The following SYNDIG1 variants were observed in gnomAD, a reference collection of about 807,000 sequenced individuals.
The protein encoded by SYNDIG1 is synapse differentiation inducing 1, also known as synapse differentiation-inducing gene protein 1.
A neutral mutation model predicts 19.4 loss-of-function variants in SYNDIG1; 9 were observed. That is an observed-to-expected ratio of 0.46 (90% CI 0.28 to 0.81). The LOEUF is 0.81. Among genes scored for constraint, SYNDIG1 ranks in the 30% least tolerant of loss-of-function variants. The pLI is 0.12. For missense variants in SYNDIG1, 311 were observed against 343.3 expected (o/e 0.91, Z 0.74); for synonymous variants, 141 against 145.9 (o/e 0.97, Z 0.24).
At chr20:24,643,160 A>G (rs1182594563) in intron 3 of SYNDIG1, among the ~76,000 whole-genome samples, 1 of 152,208 alleles carries the variant, frequency 6.6e-6, no homozygotes, top group African/African-American at 2.4e-5. Flanking sequence ...TCATTGTCAC[A>G]CATCACTGCA....
chr20:24,642,220 C>G (rs550985249), intron 3 of SYNDIG1, among the ~76,000 whole-genome samples: 3 of 152,152 alleles, frequency 2.0e-5, no homozygotes, highest in Non-Finnish European at 4.4e-5. Flanking sequence ...GAGCACTGAT[C>G]GGGTACATCG....
chr20:24,658,035 T>C lies in SYNDIG1; in HGVS notation c.619-7311T>C, dbSNP rs1230741717. On this transcript the variant is annotated intron_variant, in intron 3 of 3. Transcript: ENST00000376862. This position sits in a 1 kb window ranked among gnomAD's most constrained non-coding sequence, Gnocchi z 4.4. ...AACTGCTGAGGACCCCCAGCTGTGCTGGCCCCGGTCCATGGATGACGGGGA... is the reference window on the plus strand; with the variant it reads ...AACTGCTGAGGACCCCCAGCTGTGCCGGCCCCGGTCCATGGATGACGGGGA... 1.3e-5 allele frequency among the ~76,000 whole-genome samples: 2 copies of C among 152,074 alleles called. No homozygotes were observed. Among genetic ancestry groups the C allele is most frequent in the Admixed American group, 1.3e-4 (2 of 15,278 alleles).
intron 3 of SYNDIG1, 140 bp from the exon 4 acceptor site, chr20:24,665,206 G>C: frequency 1.9e-6 from 2 of 1,035,650 alleles, no homozygotes; most frequent in South Asian, 1.6e-5. Flanking sequence ...GGTCATAGCA[G>C]GGGTGAGCAC....
At position 24,647,709 on chromosome 20, in the gene SYNDIG1, T is replaced by C. The variant is rs373222679; in HGVS notation, c.619-17637T>C. On this transcript the variant is annotated intron_variant, in intron 3 of 3. Coordinates refer to ENST00000376862, the MANE Select transcript of SYNDIG1 (RefSeq NM_024893.3). The stretch of plus-strand genomic sequence containing the variant: ...CTGGAACCTGTTTTCCAAAGGAAAG[T>C]GCCCTTTTTCATTTGAGATAAAAAG... Among the ~76,000 whole-genome samples, 25 of 151,646 alleles carry C rather than the reference T, an allele frequency of 1.6e-4. No homozygotes were observed. The South Asian group carries it at 4.0e-3, about 24-fold the overall frequency.
intron 3 of SYNDIG1, among the ~76,000 whole-genome samples, chr20:24,633,959 T>C (rs1942835742): frequency 6.6e-6 from 1 of 152,222 alleles, no homozygotes; most frequent in African/African-American, 2.4e-5. Context: ...TGCCTGGGGT[T>C]CCCTTCGTTA....
intron 1 of SYNDIG1, among the ~76,000 whole-genome samples, chr20:24,523,271 T>C (rs2057045737): frequency 6.6e-6 from 1 of 152,168 alleles, no homozygotes; most frequent in South Asian, 2.1e-4. Flanking sequence ...TATACCTACT[T>C]AATGGGGTTG....
Position 24,586,044 on chromosome 20 carries a change from G to A in SYNDIG1, c.618+1051G>A, listed in dbSNP as rs113013738. Among the ~76,000 whole-genome samples the A allele has an allele frequency of 7.4e-3, 1,126 of 152,302 alleles. 7 individuals are homozygous for A. The highest frequency in any genetic ancestry group is 9.6e-3 in the Non-Finnish European group (650 of 68,024). On this transcript the variant is annotated intron_variant, in intron 3 of 3. Transcript: ENST00000376862. The stretch of plus-strand genomic sequence containing the variant: ...TGTTGGACGAGTGAGAGGAGAATCC[G>A]CCCTGCCTTTATGGGATTTCTGTTT...
At chr20:24,569,064 C>T (rs73905112) in intron 2 of SYNDIG1, among the ~76,000 whole-genome samples, 4,762 of 152,274 alleles carry the variant, frequency 0.031, 170 homozygotes, top group African/African-American at 0.09. Context: ...CCCTCGAGAG[C>T]CCGCCCATTT....
intron 2 of SYNDIG1, among the ~76,000 whole-genome samples, chr20:24,544,679 G>GTT (rs1402254879): frequency 1.3e-5 from 2 of 152,130 alleles, no homozygotes; most frequent in Non-Finnish European, 2.9e-5. Context: ...GTAAGGGAAA[G>GTT]TTTGAAGGGC....
intron 1 of SYNDIG1, among the ~76,000 whole-genome samples, chr20:24,532,103 G>A (rs775555973): frequency 2.1e-4 from 32 of 152,236 alleles, no homozygotes; most frequent in Admixed American, 5.2e-4. Flanking sequence ...TGAGGGCTTT[G>A]TTTTTAAGGT....
At chr20:24,499,922 A>T (rs571120411) in intron 1 of SYNDIG1, among the ~76,000 whole-genome samples, 1 of 152,152 alleles carries the variant, frequency 6.6e-6, no homozygotes, top group Non-Finnish European at 1.5e-5. Context: ...CATGCCAGTA[A>T]TTTTCACGAT....
intron 1 of SYNDIG1, among the ~76,000 whole-genome samples, chr20:24,512,299 A>C (rs78521189): frequency 0.013 from 1,906 of 151,274 alleles, 40 homozygotes; most frequent in African/African-American, 0.044. Context: ...GGGGCAGGAC[A>C]GTGGGTACAG....
At chr20:24,571,128 A>G (rs1255152854) in intron 2 of SYNDIG1, among the ~76,000 whole-genome samples, 3 of 152,168 alleles carry the variant, frequency 2.0e-5, no homozygotes, top group African/African-American at 7.2e-5. Context: ...GGATGGGGAA[A>G]GGTGGGATAT....
At chr20:24,505,807 C>T (rs1251735787) in intron 1 of SYNDIG1, among the ~76,000 whole-genome samples, 1 of 152,248 alleles carries the variant, frequency 6.6e-6, no homozygotes, top group African/African-American at 2.4e-5. Context: ...CCTTGCAGCA[C>T]TTGAAGCAAA....
At chr20:24,498,465 T>C (rs2056355845) in intron 1 of SYNDIG1, among the ~76,000 whole-genome samples, 1 of 152,222 alleles carries the variant, frequency 6.6e-6, no homozygotes, top group African/African-American at 2.4e-5. Context: ...CTTTGTCATT[T>C]TGTATAACCA....
chr20:24,578,080 C>T (rs2058258427), intron 2 of SYNDIG1, among the ~76,000 whole-genome samples: 1 of 152,218 alleles, frequency 6.6e-6, no homozygotes, highest in Non-Finnish European at 1.5e-5. Flanking sequence ...ATGTGCCAGG[C>T]ACTGTTCTGG....
At chr20:24,638,582 C>G (rs2059339857) in intron 3 of SYNDIG1, among the ~76,000 whole-genome samples, 1 of 152,144 alleles carries the variant, frequency 6.6e-6, no homozygotes, top group Non-Finnish European at 1.5e-5. Context: ...AGGCTGGTCT[C>G]AAACTCCTGG....
intron 1 of SYNDIG1, among the ~76,000 whole-genome samples, chr20:24,486,243 C>G (rs886665502): frequency 6.6e-6 from 1 of 152,144 alleles, no homozygotes; most frequent in East Asian, 1.9e-4. Context: ...CAGGATGGCA[C>G]AAGAGAGGGC....
chr20:24,641,440 G>A (rs1454701713), intron 3 of SYNDIG1, among the ~76,000 whole-genome samples: 1 of 152,178 alleles, frequency 6.6e-6, no homozygotes, highest in Non-Finnish European at 1.5e-5. Context: ...GAGGAAAACA[G>A]TATTGATAAT....
Sources: gnomAD v4.1 joint callset for allele counts (sites outside exome capture counted in the v4.1 genomes callset) on GRCh38, gnomAD v4.1.1 for gene constraint, Gnocchi (gnomAD v3.1) non-coding constraint, MANE v1.5 for transcripts, NCBI Gene and HGNC (gene_info 2026-07-23, HGNC 2026-07-21) for gene names.